The following SLC4A10 variants were observed in gnomAD, a reference collection of about 807,000 sequenced individuals.
The protein encoded by SLC4A10 is solute carrier family 4 member 10.
In SLC4A10, 42 loss-of-function variants were observed where a neutral mutation model predicts 137.7. The observed-to-expected ratio is 0.30, with a 90% CI of 0.24 to 0.39. The LOEUF (loss-of-function observed/expected upper bound fraction) is 0.39, where lower values mean the gene tolerates loss of function less well. Ranked by LOEUF, SLC4A10 falls within the 10% of genes least tolerant of loss-of-function variation. The probability of loss-of-function intolerance (pLI) is 1.00; values close to 1 mark genes in which losing one functional copy is unlikely to be tolerated. For missense variants in SLC4A10, 925 were observed against 1,355.0 expected, an observed-to-expected ratio of 0.68 and a Z score of 4.98; for synonymous variants, 474 against 464.1, an observed-to-expected ratio of 1.02 and a Z score of -0.27.
intron 15 of SLC4A10, among the ~76,000 whole-genome samples, chr2:161,941,448 G>A (rs1025062047): frequency 6.6e-6 from 1 of 152,152 alleles, no homozygotes; most frequent in Non-Finnish European, 1.5e-5. Flanking sequence ...TATTCATGAA[G>A]GGGCACACGT....
At chr2:161,628,038 T>C (rs1210623334) in intron 1 of SLC4A10, among the ~76,000 whole-genome samples, 1 of 152,136 alleles carries the variant, frequency 6.6e-6, no homozygotes, top group African/African-American at 2.4e-5. Flanking sequence ...AGAATATATG[T>C]AACAGTAATA....
chr2:161,927,122 G>A (rs1689299191), intron 15 of SLC4A10, among the ~76,000 whole-genome samples: 1 of 152,162 alleles, frequency 6.6e-6, no homozygotes, highest in Admixed American at 6.5e-5. Flanking sequence ...CTAGATTGGG[G>A]AAGTTCTCCT....
chr2:161,953,825 A>G (rs1695212412), intron 19 of SLC4A10, among the ~76,000 whole-genome samples: 1 of 152,218 alleles, frequency 6.6e-6, no homozygotes, highest in African/African-American at 2.4e-5. Flanking sequence ...TATATTATAC[A>G]TAAATGTACA....
intron 1 of SLC4A10, among the ~76,000 whole-genome samples, chr2:161,687,692 A>C (rs2041583570): frequency 6.6e-6 from 1 of 152,176 alleles, no homozygotes; most frequent in Non-Finnish European, 1.5e-5. Flanking sequence ...CAACGTGTCA[A>C]GGTGGGGACC....
intron 7 of SLC4A10, 64 bp from the exon 8 acceptor site, chr2:161,873,852 G>A: frequency 6.7e-7 from 1 of 1,489,618 alleles, no homozygotes; most frequent in Admixed American, 1.9e-5. Flanking sequence ...TCTCCCTCTG[G>A]TGCCTGGCGG....
At chr2:161,725,958 G>A (rs2046178870) in intron 1 of SLC4A10, among the ~76,000 whole-genome samples, 1 of 152,134 alleles carries the variant, frequency 6.6e-6, no homozygotes, top group African/African-American at 2.4e-5. Flanking sequence ...ATACTTGCAC[G>A]TCTTCTCCCT....
chr2:161,705,887 T>C (rs1233992860), intron 1 of SLC4A10, among the ~76,000 whole-genome samples: 1 of 151,606 alleles, frequency 6.6e-6, no homozygotes, highest in Non-Finnish European at 1.5e-5. Flanking sequence ...TTATCAAATA[T>C]TTGTTAAGGC....
chr2:161,783,853 C>T (rs973327355), intron 2 of SLC4A10, among the ~76,000 whole-genome samples: 2 of 151,518 alleles, frequency 1.3e-5, no homozygotes, highest in African/African-American at 4.8e-5. Context: ...AAAATAATTA[C>T]AAGGCTAACA....
intron 15 of SLC4A10, among the ~76,000 whole-genome samples, chr2:161,931,013 C>A (rs1690282133): frequency 6.6e-6 from 1 of 152,104 alleles, no homozygotes; most frequent in South Asian, 2.1e-4. Context: ...CTCACTGCAA[C>A]CTCTGCTTCC....
chr2:161,856,358 AACACACACAC>A (rs55983659), intron 5 of SLC4A10, among the ~76,000 whole-genome samples: 8 of 141,840 alleles, frequency 5.6e-5, no homozygotes, highest in African/African-American at 1.3e-4. Flanking sequence ...AAAATACTAA[AACACACACAC>A]ACACACACAC....
chr2:161,982,868 T>G (rs1026416017), intron 26 of SLC4A10, among the ~76,000 whole-genome samples: 1 of 152,212 alleles, frequency 6.6e-6, no homozygotes, highest in African/African-American at 2.4e-5. Context: ...CTATCATCAG[T>G]GAGTCACTTG....
At chr2:161,982,017 T>C (rs999420593) in intron 26 of SLC4A10, among the ~76,000 whole-genome samples, 1 of 152,186 alleles carries the variant, frequency 6.6e-6, no homozygotes, top group African/African-American at 2.4e-5. Context: ...TGTGTCTAAG[T>C]TATTGACCAC....
rs1336790061 is a variant in SLC4A10 at position 161,707,543 on chromosome 2, T to C, written c.49-63430T>C. Among the ~76,000 whole-genome samples, 2 of 151,328 alleles carry C rather than the reference T, an allele frequency of 1.3e-5. 1 individual carries two copies. The highest frequency in any genetic ancestry group is 3.0e-5 in the Non-Finnish European group (2 of 67,508). ...ACGGTAAAGAGAAAGCATTTCCAAT[T>C]ATAATTTTTGAGATATTGATTCTAT... On this transcript the variant is annotated intron_variant, in intron 1 of 26. Coordinates refer to ENST00000446997, the MANE Select transcript of SLC4A10 (RefSeq NM_001178015.2).
chr2:161,901,292 C>G, intron 12 of SLC4A10: 1 of 326,558 alleles, frequency 3.1e-6, no homozygotes, highest in Non-Finnish European at 5.7e-6. Context: ...GGAAAACCGT[C>G]AATTGACCCT....
chr2:161,907,986 A>C (rs55931021), intron 15 of SLC4A10, among the ~76,000 whole-genome samples: 1 of 152,106 alleles, frequency 6.6e-6, no homozygotes, highest in African/African-American at 2.4e-5. Flanking sequence ...TTGAACCTTC[A>C]TGGTAGCTTC....
intron 9 of SLC4A10, 53 bp from the exon 10 acceptor site, chr2:161,882,303 TA>T: frequency 8.8e-7 from 1 of 1,142,316 alleles, no homozygotes; most frequent in Non-Finnish European, 1.2e-6. Context: ...TCTGTATTAC[TA>T]AAATTATTTT....
chr2:161,689,989 G>C (rs2041822484), intron 1 of SLC4A10, among the ~76,000 whole-genome samples: 1 of 151,998 alleles, frequency 6.6e-6, no homozygotes, highest in Non-Finnish European at 1.5e-5. Context: ...GCATATACTA[G>C]TGTTCAAATG....
intron 2 of SLC4A10, among the ~76,000 whole-genome samples, chr2:161,797,447 C>T (rs754293622): frequency 1.3e-5 from 2 of 151,998 alleles, no homozygotes; most frequent in Non-Finnish European, 2.9e-5. Flanking sequence ...TGCCTCATTA[C>T]AGGTTGGTAT....
At chr2:161,842,764 ATATATGTGCTCATCTTCTTT>A (rs2059263325) in intron 4 of SLC4A10, among the ~76,000 whole-genome samples, 1 of 152,178 alleles carries the variant, frequency 6.6e-6, no homozygotes. Context: ...AAAATGTGTA[ATATATGTGCTCATCTTCTTT>A]ATTTGGTGAC....
Sources: gnomAD v4.1 joint callset for allele counts (sites outside exome capture counted in the v4.1 genomes callset) on GRCh38, gnomAD v4.1.1 for gene constraint, MANE v1.5 for transcripts, NCBI Gene and HGNC (gene_info 2026-07-23, HGNC 2026-07-21) for gene names.